SLC4A4: variants seen among roughly 807,000 people sequenced by gnomAD.
The protein encoded by SLC4A4 is solute carrier family 4 member 4.
A neutral mutation model predicts 111.5 loss-of-function variants in SLC4A4; 27 were observed. The observed-to-expected ratio is 0.24, with a 90% CI of 0.18 to 0.33. SLC4A4 has a LOEUF of 0.33. SLC4A4 is among the 10% of genes least tolerant of loss of function. SLC4A4 has a pLI of 1.00. For synonymous variants in SLC4A4, 443 were observed against 463.4 expected, an observed-to-expected ratio of 0.96 and a Z score of 0.57; for missense variants, 909 against 1,315.5, an observed-to-expected ratio of 0.69 and a Z score of 4.78.
chr4:71,397,659 C>G lies in SLC4A4; in HGVS notation c.807+6C>G. On this transcript the variant is annotated splice_donor_region_variant and intron_variant, in intron 7 of 25. Coordinates refer to ENST00000264485, the MANE Select transcript of SLC4A4 (RefSeq NM_001098484.3). ...ATAAACCGGAGAAGGACCAGGTAAG[C>G]AAAAAATTCTTGCTTCTTTGAAATG... 1.2e-6 allele frequency: 2 copies of G among 1,612,410 alleles called. No individual in the cohort carries two copies.
At chr4:71,164,795 A>G (rs1744700113) in intron 2 of SLC4A4, among the ~76,000 whole-genome samples, 1 of 152,188 alleles carries the variant, frequency 6.6e-6, no homozygotes, top group South Asian at 2.1e-4. Context: ...AGTTTTTGCA[A>G]TCTACTCAAC....
intron 1 of SLC4A4, among the ~76,000 whole-genome samples, chr4:71,191,396 A>AAGAGGAAAC (rs1745727405): frequency 6.6e-6 from 1 of 152,224 alleles, no homozygotes; most frequent in Non-Finnish European, 1.5e-5. Flanking sequence ...TATTGAGATG[A>AAGAGGAAAC]AGAGGAAACT....
chr4:71,189,662 G>A (rs1326615880), intron 1 of SLC4A4, among the ~76,000 whole-genome samples: 1 of 152,208 alleles, frequency 6.6e-6, no homozygotes, highest in Non-Finnish European at 1.5e-5. Context: ...GGTGAATCAT[G>A]TAAATAAACA....
chr4:71,256,468 C>T (rs1384138941), intron 3 of SLC4A4, among the ~76,000 whole-genome samples: 1 of 151,976 alleles, frequency 6.6e-6, no homozygotes, highest in African/African-American at 2.4e-5. Flanking sequence ...TAGAGAAGTG[C>T]GGTGCTAAGA....
chr4:71,142,323 G>C (rs978669423), intron 2 of SLC4A4, among the ~76,000 whole-genome samples: 4 of 152,318 alleles, frequency 2.6e-5, no homozygotes, highest in Non-Finnish European at 5.9e-5. Context: ...CATATAAAAA[G>C]AGTGGGAAGC....
At chr4:71,330,781 A>G (rs1244287645) in intron 3 of SLC4A4, among the ~76,000 whole-genome samples, 4 of 152,136 alleles carry the variant, frequency 2.6e-5, no homozygotes, top group African/African-American at 9.7e-5. Flanking sequence ...AGAAACTACC[A>G]TCAGAGTGAA....
intron 16 of SLC4A4, among the ~76,000 whole-genome samples, chr4:71,501,226 G>A (rs1322107459): frequency 6.6e-6 from 1 of 151,894 alleles, no homozygotes; most frequent in Non-Finnish European, 1.5e-5. Context: ...ATTGTAAGTG[G>A]GATTGTGATT....
intron 3 of SLC4A4, among the ~76,000 whole-genome samples, chr4:71,298,142 T>C (rs556756926): frequency 8.9e-4 from 136 of 152,348 alleles, no homozygotes; most frequent in African/African-American, 3.1e-3. Flanking sequence ...CAAATGTTGA[T>C]TATTGTTAAT....
At chr4:71,393,365 C>G (rs536459445) in intron 6 of SLC4A4, among the ~76,000 whole-genome samples, 45 of 152,134 alleles carry the variant, frequency 3.0e-4, no homozygotes, top group Non-Finnish European at 5.7e-4. Flanking sequence ...CTTCTGTACA[C>G]CAACAGCGAC....
intron 1 of SLC4A4, among the ~76,000 whole-genome samples, chr4:71,193,889 A>C (rs1745867485): frequency 6.6e-6 from 1 of 152,226 alleles, no homozygotes; most frequent in African/African-American, 2.4e-5. Context: ...CCTGATAAGT[A>C]AACTCATGGG....
intron 1 of SLC4A4, among the ~76,000 whole-genome samples, chr4:71,203,836 AATG>A (rs1346151685): frequency 1.3e-5 from 2 of 152,192 alleles, no homozygotes; most frequent in Non-Finnish European, 2.9e-5. Context: ...TGTTTGCTTA[AATG>A]ATAACTAGTT....
At chr4:71,105,353 A>C (rs1010913527) in intron 2 of SLC4A4, among the ~76,000 whole-genome samples, 39 of 149,410 alleles carry the variant, frequency 2.6e-4, no homozygotes, top group South Asian at 6.4e-4. Flanking sequence ...TGCCCAAGGT[A>C]ATTTATAGAT....
chr4:71,463,661 G>T (rs1727042906), intron 12 of SLC4A4, among the ~76,000 whole-genome samples: 1 of 152,116 alleles, frequency 6.6e-6, no homozygotes, highest in Admixed American at 6.6e-5. Context: ...GAAGAAATTG[G>T]TTGTTATCTT....
chr4:71,467,392 C>T (rs1424235341), intron 13 of SLC4A4, among the ~76,000 whole-genome samples: 1 of 152,064 alleles, frequency 6.6e-6, no homozygotes, highest in East Asian at 1.9e-4. Flanking sequence ...AAATACCTAA[C>T]ATTTATTGAG....
intron 3 of SLC4A4, chr4:71,339,147 A>C: frequency 6.2e-7 from 1 of 1,612,472 alleles, no homozygotes; most frequent in South Asian, 1.1e-5. Context: ...CCTTCTGGAG[A>C]GTGGTGGAGA....
chr4:71,275,684 G>A (rs1172406200), intron 3 of SLC4A4, among the ~76,000 whole-genome samples: 1 of 152,238 alleles, frequency 6.6e-6, no homozygotes, highest in African/African-American at 2.4e-5. Flanking sequence ...GAGGACAAGT[G>A]ATTTGGCCAA....
intron 3 of SLC4A4, among the ~76,000 whole-genome samples, chr4:71,297,185 G>A (rs992341347): frequency 1.6e-4 from 25 of 152,148 alleles, no homozygotes; most frequent in Admixed American, 1.3e-3. Flanking sequence ...CTTGGCTGTG[G>A]GACAGAGTCC....
At chr4:71,490,529 C>T (rs984834859) in intron 15 of SLC4A4, among the ~76,000 whole-genome samples, 3 of 151,766 alleles carry the variant, frequency 2.0e-5, no homozygotes, top group Non-Finnish European at 4.4e-5. Flanking sequence ...AAATACTCTG[C>T]CCCTAGCCTT....
At chr4:71,242,783 T>C (rs1720353581) in intron 2 of SLC4A4, among the ~76,000 whole-genome samples, 1 of 152,136 alleles carries the variant, frequency 6.6e-6, no homozygotes, top group East Asian at 1.9e-4. Flanking sequence ...CTTTGGTTAT[T>C]ATAATCTTTT....
Sources: gnomAD v4.1 joint callset for allele counts (sites outside exome capture counted in the v4.1 genomes callset) on GRCh38, gnomAD v4.1.1 for gene constraint, MANE v1.5 for transcripts, NCBI Gene and HGNC (gene_info 2026-07-23, HGNC 2026-07-21) for gene names.